ZNF174: variants seen among roughly 807,000 people sequenced by gnomAD.
ZNF174 encodes zinc finger protein 174.
Under a neutral mutation model 38.7 loss-of-function variants are expected in ZNF174, and 30 were observed. The ratio of observed to expected loss-of-function variants is 0.78; its 90% confidence interval spans 0.58 to 1.05. ZNF174 has a LOEUF of 1.05. Among genes scored for constraint, ZNF174 ranks in the 50% least tolerant of loss-of-function variants. The probability of loss-of-function intolerance (pLI) is 0.00; values close to 1 mark genes in which losing one functional copy is unlikely to be tolerated. For missense variants in ZNF174, 499 were observed against 495.6 expected (o/e 1.01, Z -0.06); for synonymous variants, 201 against 181.7 (o/e 1.11, Z -0.86).
Position 3,404,661 on chromosome 16 carries a change from C to T in ZNF174, c.625+13C>T, listed in dbSNP as rs2034026508. On this transcript the variant is annotated intron_variant, in intron 2 of 2. Transcript: ENST00000268655. ...TTGGCTGGGACAGGTAAACACTCTG[C>T]CTTTTCTCTCCCTCTCATCAGCCCT... is the stretch of plus-strand genomic sequence containing the variant. 2 of 1,613,736 alleles carry T rather than the reference C, an allele frequency of 1.2e-6. No individual in the cohort carries two copies. The highest frequency in any genetic ancestry group is 2.7e-5 in the African/African-American group (2 of 75,046).
rs748156717 is a variant in ZNF174, at chr16:3,404,902, G to A, written c.625+254G>A. The A allele has an allele frequency of 3.1e-5, 50 of 1,613,212 alleles. 1 individual carries two copies. Among genetic ancestry groups the A allele is most frequent in the South Asian group, 3.0e-4 (27 of 90,990 alleles). On this transcript the variant is annotated intron_variant, in intron 2 of 2. Transcript: ENST00000268655. ...CAGGGTTGTACCTACTTTTCTGTCC[G>A]TTTCAGAACTTCTTATAGAAAAGAC...
intron 1 of ZNF174, among the ~76,000 whole-genome samples, chr16:3,402,859 T>C (rs1339600101): frequency 6.6e-6 from 1 of 152,178 alleles, no homozygotes; most frequent in East Asian, 1.9e-4. Context: ...AGCCTCTATC[T>C]GGGAACCTAT....
chr16:3,405,064 A>AC, intron 2 of ZNF174: 1 of 1,567,722 alleles, frequency 6.4e-7, no homozygotes, highest in Non-Finnish European at 8.6e-7. Flanking sequence ...CTCCTCTGTG[A>AC]TGTTGCTTGT....
At chr16:3,408,277 T>C in intron 2 of ZNF174, 44 bp from the exon 3 acceptor site, 1 of 1,518,914 alleles carries the variant, frequency 6.6e-7, no homozygotes, top group South Asian at 1.3e-5. Context: ...CTGAAGTTAT[T>C]TCTTCCAAGT....
chr16:3,405,036 ATATCT>A (rs1348089471), intron 2 of ZNF174: 2 of 1,592,850 alleles, frequency 1.3e-6, no homozygotes, highest in Non-Finnish European at 1.7e-6. Context: ...AACCCACCCT[ATATCT>A]TATATCTTTG....
At chr16:3,405,498 G>T (rs939508343) in intron 2 of ZNF174, among the ~76,000 whole-genome samples, 1 of 152,046 alleles carries the variant, frequency 6.6e-6, no homozygotes, top group African/African-American at 2.4e-5. Context: ...GGGAAGACAG[G>T]CTCCCGTGGG....
Position 3,408,489 on chromosome 16 carries a change from G to T in ZNF174, c.794G>T (p.Ser265Ile). The change falls in exon 3 of 3, where the codon AGC becomes ATC. Residue 265 changes from serine (S) to isoleucine (I), a missense_variant. By Grantham distance (142) the Ser-to-Ile change is moderately radical. Transcript: ENST00000268655. The part of the protein sequence containing the change: ...SEPRLSRRQV[S>I]SPNAQKPFAH... Reference sequence around the variant, plus strand: ...CCTCGGTTGTCACGGAGGCAGGTCAGCTCCCCAAATGCTCAAAAGCCATTT... The same window carrying T: ...CCTCGGTTGTCACGGAGGCAGGTCATCTCCCCAAATGCTCAAAAGCCATTT... The T allele has an allele frequency of 6.2e-7, 1 of 1,614,140 alleles. No individual in the cohort carries two copies. Among genetic ancestry groups the T allele is most frequent in the Non-Finnish European group, 8.5e-7 (1 of 1,180,018 alleles).
chr16:3,406,092 T>C (rs1414931808), intron 2 of ZNF174, among the ~76,000 whole-genome samples: 1 of 152,260 alleles, frequency 6.6e-6, no homozygotes, highest in Non-Finnish European at 1.5e-5. Context: ...TTTCAAGTTT[T>C]ATCCATGCTG....
Position 3,409,060 on chromosome 16 carries a change from G to A in ZNF174, c.*141G>A. The A allele has an allele frequency of 3.4e-5, 34 of 1,014,562 alleles. No individual in the cohort carries two copies. Among genetic ancestry groups the A allele is most frequent in the Non-Finnish European group, 4.7e-5 (33 of 695,830 alleles). 62.8% of individuals were successfully genotyped at this position (1,014,562 alleles called of 1,614,324 possible). A position where few individuals can be genotyped will look rare whatever the true frequency, so the allele number is the denominator to read the frequency against. On this transcript the variant is annotated 3_prime_UTR_variant, in exon 3 of 3. Coordinates refer to ENST00000268655, the MANE Select transcript of ZNF174 (RefSeq NM_003450.3). ...GGAATGATGATGCACATTCTGCTGT[G>A]AGGAGGCCCAGAAAAGGCCAACCAG...
intron 1 of ZNF174, 63 bp from the exon 2 acceptor site, chr16:3,404,363 A>G: frequency 6.7e-7 from 1 of 1,486,156 alleles, no homozygotes; most frequent in Non-Finnish European, 9.1e-7. Flanking sequence ...ATTATACAAC[A>G]GTGAGAGATC....
chr16:3,406,679 C>CA (rs1567342290), intron 2 of ZNF174, among the ~76,000 whole-genome samples: 1 of 152,130 alleles, frequency 6.6e-6, no homozygotes, highest in East Asian at 1.9e-4. Context: ...AGATACTAGA[C>CA]CCTTATGTGT....
chr16:3,406,679 C>A (rs942176483), intron 2 of ZNF174, among the ~76,000 whole-genome samples: 7 of 152,130 alleles, frequency 4.6e-5, no homozygotes, highest in Admixed American at 2.0e-4. Context: ...AGATACTAGA[C>A]CCTTATGTGT....
At chr16:3,406,696 C>CA (rs1414510553) in intron 2 of ZNF174, among the ~76,000 whole-genome samples, 1 of 152,160 alleles carries the variant, frequency 6.6e-6, no homozygotes, top group Non-Finnish European at 1.5e-5. Context: ...GTGTAATTTG[C>CA]AAATCTTTTC....
In ZNF174 at chr16:3,402,089, G is replaced by T; in HGVS notation, c.85G>T (p.Glu29Ter). ...QERHIIAKLE[E>*]KRGPPLQKNC... is the part of the protein sequence containing the mutation. ...GAGACACATAATAGCCAAACTAGAAGAGAAACGGGGCCCTCCTCTGCAAAA... is the reference window on the plus strand; with the variant it reads ...GAGACACATAATAGCCAAACTAGAATAGAAACGGGGCCCTCCTCTGCAAAA... The change falls in exon 1 of 3, where the codon GAG (glutamate) becomes TAG (stop). Residue 29 changes from glutamate to a stop codon, truncating the protein, a stop_gained. Transcript: ENST00000268655. LOFTEE classifies it high-confidence loss of function. 3 of 1,614,166 alleles carry T rather than the reference G, an allele frequency of 1.9e-6. No homozygotes were observed. The highest frequency in any genetic ancestry group is 2.5e-6 in the Non-Finnish European group (3 of 1,180,020).
rs753071209 is a variant in ZNF174 at position 3,403,150 on chromosome 16, C to CTTTTTTTTTTTTTT, written c.402+768_402+781dup. ...GTCTTTCCAGTGTTTAGCTTATAGT[C>CTTTTTTTTTTTTTT]TTTTTTTTTTTTTTTTTTTTTTTTT... is the stretch of plus-strand genomic sequence containing the variant. On this transcript the variant is annotated intron_variant, in intron 1 of 2. Transcript: ENST00000268655. 6.5e-5 allele frequency among the ~76,000 whole-genome samples: 2 copies of CTTTTTTTTTTTTTT among 30,974 alleles called. 1 individual carries two copies. The highest frequency in any genetic ancestry group is 2.9e-4 in the African/African-American group (2 of 6,892). The allele number at this position is 30,974 out of a possible 152,430, so 20.3% of individuals were successfully genotyped here.
In ZNF174 at chr16:3,408,468, G is replaced by T; in HGVS notation, c.773G>T (p.Arg258Leu). The stretch of plus-strand genomic sequence containing the variant: ...AGAGGGGCAAATATGAGTGAACCTC[G>T]GTTGTCACGGAGGCAGGTCAGCTCC... ...EPRGANMSEP[R>L]LSRRQVSSPN... The change falls in exon 3 of 3, where the codon CGG becomes CTG. Residue 258 changes from arginine to leucine, a missense_variant. Coordinates refer to ENST00000268655, the MANE Select transcript of ZNF174 (RefSeq NM_003450.3). 9 of 1,614,090 alleles carry T rather than the reference G, an allele frequency of 5.6e-6. No individual in the cohort carries two copies. The highest frequency in any genetic ancestry group is 6.8e-6 in the Non-Finnish European group (8 of 1,179,986).
intron 2 of ZNF174, chr16:3,405,066 G>A: frequency 1.3e-6 from 2 of 1,565,162 alleles, no homozygotes; most frequent in Non-Finnish European, 1.7e-6. Context: ...CCTCTGTGAT[G>A]TTGCTTGTAC....
chr16:3,406,045 G>T (rs1166461272), intron 2 of ZNF174, among the ~76,000 whole-genome samples: 1 of 152,194 alleles, frequency 6.6e-6, no homozygotes, highest in Non-Finnish European at 1.5e-5. Context: ...CACACAATAT[G>T]TGGTCTTTTG....
intron 2 of ZNF174, among the ~76,000 whole-genome samples, chr16:3,406,939 C>G (rs2034063957): frequency 6.6e-6 from 1 of 152,154 alleles, no homozygotes; most frequent in South Asian, 2.1e-4. Flanking sequence ...TATTTTTTCC[C>G]CATACATAAA....
Sources: gnomAD v4.1 joint callset for allele counts (sites outside exome capture counted in the v4.1 genomes callset) on GRCh38, gnomAD v4.1.1 for gene constraint, MANE v1.5 for transcripts, NCBI Gene and HGNC (gene_info 2026-07-23, HGNC 2026-07-21) for gene names.